SLC4A4: variants seen among roughly 807,000 people sequenced by gnomAD.
The protein encoded by SLC4A4 is electrogenic sodium bicarbonate cotransporter 1.
A neutral mutation model predicts 111.5 loss-of-function variants in SLC4A4; 27 were observed. The ratio of observed to expected loss-of-function variants is 0.24; its 90% CI spans 0.18 to 0.33. The LOEUF (loss-of-function observed/expected upper bound fraction) is 0.33, where lower values mean the gene tolerates loss of function less well. SLC4A4 is among the 10% of genes least tolerant of loss of function. The probability of loss-of-function intolerance (pLI) is 1.00; values close to 1 mark genes in which losing one functional copy is unlikely to be tolerated. For synonymous variants in SLC4A4, 443 were observed against 463.4 expected, an observed-to-expected ratio of 0.96 and a Z score of 0.57; for missense variants, 909 against 1,315.5, an observed-to-expected ratio of 0.69 and a Z score of 4.78.
upstream of SLC4A4, among the ~76,000 whole-genome samples, chr4:71,183,428 CA>C (rs1362337054): frequency 5.3e-5 from 8 of 152,114 alleles, no homozygotes; most frequent in African/African-American, 1.9e-4. Context: ...AAAGGGGCTA[CA>C]GGTATTTTTA....
At chr4:71,390,596 A>G (rs898847203) in intron 6 of SLC4A4, among the ~76,000 whole-genome samples, 5 of 152,100 alleles carry the variant, frequency 3.3e-5, no homozygotes, top group African/African-American at 1.2e-4. Flanking sequence ...GAGTAATACC[A>G]TCTTCATTTT....
At chr4:71,321,225 A>G (rs1338746456) in intron 3 of SLC4A4, among the ~76,000 whole-genome samples, 2 of 152,038 alleles carry the variant, frequency 1.3e-5, no homozygotes, top group African/African-American at 4.8e-5. Context: ...GTTTATTTCT[A>G]TAACAAATTA....
At chr4:71,338,148 A>T (rs563590416) in intron 3 of SLC4A4, among the ~76,000 whole-genome samples, 1 of 152,078 alleles carries the variant, frequency 6.6e-6, no homozygotes, top group Non-Finnish European at 1.5e-5. Context: ...TTGACATTTT[A>T]ATAGGTGAAA....
At chr4:71,375,229 A>G (rs1012232924) in intron 6 of SLC4A4, among the ~76,000 whole-genome samples, 3 of 152,140 alleles carry the variant, frequency 2.0e-5, no homozygotes, top group African/African-American at 7.2e-5. Flanking sequence ...TTACCTCCTC[A>G]TGTGGAAGTG....
chr4:71,550,599 A>C (rs1427259338), intron 20 of SLC4A4, among the ~76,000 whole-genome samples: 1 of 151,896 alleles, frequency 6.6e-6, no homozygotes, highest in Non-Finnish European at 1.5e-5. Context: ...AACTTAAGAG[A>C]ATCATTTTAC....
In SLC4A4 at chr4:71,327,572, C is replaced by A. The variant is rs550919073; in HGVS notation, c.254-11798C>A. 2.5e-4 allele frequency among the ~76,000 whole-genome samples: 38 copies of A among 152,008 alleles called. No homozygotes were observed. In the East Asian group the frequency reaches 7.0e-3, roughly 28 times the overall value. ...TGTAAAATTAATGATATAACAAATG[C>A]AAAACATTTAACACATTTCCTGGGA... On this transcript the variant is annotated intron_variant, in intron 3 of 25. Transcript: ENST00000264485.
intron 2 of SLC4A4, among the ~76,000 whole-genome samples, chr4:71,123,032 G>T (rs1743476789): frequency 6.6e-6 from 1 of 152,104 alleles, no homozygotes; most frequent in Non-Finnish European, 1.5e-5. Flanking sequence ...AGATAAAAGA[G>T]AACAAGAACG....
intron 6 of SLC4A4, among the ~76,000 whole-genome samples, chr4:71,378,510 TAGAC>T (rs367857502): frequency 8.5e-5 from 13 of 152,318 alleles, no homozygotes; most frequent in Middle Eastern, 6.8e-3. Flanking sequence ...TTGAAACTGA[TAGAC>T]AGTCTTTCAT....
At chr4:71,555,091 CT>C (rs1560617064) in intron 20 of SLC4A4, 48 bp from the exon 21 acceptor site, 1 of 1,301,858 alleles carries the variant, frequency 7.7e-7, no homozygotes, top group Non-Finnish European at 1.1e-6. Context: ...CTTCATTCCT[CT>C]TTTTTCTTGT....
At chr4:71,253,810 C>T (rs753170240) in intron 2 of SLC4A4, among the ~76,000 whole-genome samples, 13 of 152,224 alleles carry the variant, frequency 8.5e-5, no homozygotes, top group East Asian at 1.9e-4. Context: ...TGAGTTGCTG[C>T]GTGTGTGTTG....
chr4:71,252,123 A>G (rs1721107157), intron 2 of SLC4A4, among the ~76,000 whole-genome samples: 1 of 152,226 alleles, frequency 6.6e-6, no homozygotes, highest in Non-Finnish European at 1.5e-5. Flanking sequence ...ATTGAGATCC[A>G]CATGTGATGT....
chr4:71,566,658 A>T (rs1737495845), intron 24 of SLC4A4, among the ~76,000 whole-genome samples: 1 of 151,692 alleles, frequency 6.6e-6, no homozygotes. Flanking sequence ...TTTTTTCCTT[A>T]TGAACAACAG....
intron 2 of SLC4A4, among the ~76,000 whole-genome samples, chr4:71,106,150 C>G (rs1193608938): frequency 6.6e-6 from 1 of 151,804 alleles, no homozygotes; most frequent in Non-Finnish European, 1.5e-5. Context: ...GACATTTATG[C>G]AGTCAAAAAA....
At chr4:71,170,027 C>T (rs1009456263) in intron 2 of SLC4A4, among the ~76,000 whole-genome samples, 5 of 152,214 alleles carry the variant, frequency 3.3e-5, no homozygotes, top group African/African-American at 1.2e-4. Context: ...GCCTTTGAAT[C>T]TGCTGTTTTC....
intron 2 of SLC4A4, among the ~76,000 whole-genome samples, chr4:71,138,904 T>C (rs548050173): frequency 7.2e-4 from 110 of 151,736 alleles, no homozygotes; most frequent in South Asian, 1.3e-3. Flanking sequence ...GGCGTGGTGG[T>C]GGGCGCCTGC....
intron 1 of SLC4A4, among the ~76,000 whole-genome samples, chr4:71,088,471 C>T (rs948645250): frequency 6.6e-6 from 1 of 151,970 alleles, no homozygotes; most frequent in Non-Finnish European, 1.5e-5. Flanking sequence ...TTATTTTGCT[C>T]GTTAGTTGAT....
At chr4:71,399,185 T>G (rs544763814) in intron 7 of SLC4A4, among the ~76,000 whole-genome samples, 2 of 152,310 alleles carry the variant, frequency 1.3e-5, no homozygotes, top group East Asian at 3.9e-4. Flanking sequence ...TTTTGTTATC[T>G]GATGGAGGTT....
At chr4:71,317,462 T>C (rs961364076) in intron 3 of SLC4A4, among the ~76,000 whole-genome samples, 9 of 152,080 alleles carry the variant, frequency 5.9e-5, no homozygotes, top group Admixed American at 2.6e-4. Context: ...GGATGGCTTG[T>C]TGAAAAGTAA....
At chr4:71,304,439 G>A (rs1052706032) in intron 3 of SLC4A4, among the ~76,000 whole-genome samples, 6 of 152,112 alleles carry the variant, frequency 3.9e-5, no homozygotes, top group Admixed American at 2.0e-4. Context: ...TCACCTTTCC[G>A]CCATCTTTTT....
Sources: allele counts gnomAD v4.1 joint callset (sites outside exome capture counted in the v4.1 genomes callset), GRCh38; gene constraint gnomAD v4.1.1; transcripts MANE v1.5; gene names NCBI Gene and HGNC (gene_info 2026-07-23, HGNC 2026-07-21).